Variants in PAX2 observed in about 807,000 individuals in gnomAD.
PAX2 encodes paired box protein Pax-2.
Under a neutral mutation model 41.7 loss-of-function variants are expected in PAX2, and 9 were observed. That is an observed-to-expected ratio of 0.22 (90% CI 0.13 to 0.38). The LOEUF is 0.38. Ranked by LOEUF, PAX2 falls within the 10% of genes least tolerant of loss-of-function variation. The pLI is 1.00. For synonymous variants in PAX2, 221 were observed against 212.7 expected (o/e 1.04, Z -0.34); for missense variants, 418 against 531.6 (o/e 0.79, Z 2.10).
At chr10:100,736,164 T>G (rs1844772601) in intron 1 of PAX2, among the ~76,000 whole-genome samples, 1 of 152,156 alleles carries the variant, frequency 6.6e-6, no homozygotes, top group South Asian at 2.1e-4. Context: ...TACCTGTGTG[T>G]AGGGTCTTAT....
chr10:100,807,007 C>T lies in PAX2; in HGVS notation c.792+402C>T, dbSNP rs1020559636. On this transcript the variant is annotated intron_variant, in intron 6 of 9. Coordinates refer to ENST00000355243, the MANE Select transcript of PAX2 (RefSeq NM_000278.5). ...TCCCTTGCCCACACCCCCTCAGGGTCCTACAGAAAGTCTACGCTAGACTGG... is the reference window on the plus strand; with the variant it reads ...TCCCTTGCCCACACCCCCTCAGGGTTCTACAGAAAGTCTACGCTAGACTGG... Among the ~76,000 whole-genome samples the T allele has an allele frequency of 3.3e-5, 5 of 152,054 alleles. No individual in the cohort carries two copies. In the South Asian group the frequency reaches 8.3e-4, roughly 25 times the overall value.
intron 5 of PAX2, among the ~76,000 whole-genome samples, chr10:100,793,555 C>T (rs75650867): frequency 0.019 from 2,895 of 152,234 alleles, 109 homozygotes; most frequent in African/African-American, 0.067. Flanking sequence ...GGCTCTTTTT[C>T]GGGGGAGCTA....
chr10:100,817,948 A>T (rs1228994905), intron 7 of PAX2, among the ~76,000 whole-genome samples: 3 of 152,234 alleles, frequency 2.0e-5, no homozygotes, highest in African/African-American at 7.2e-5. Flanking sequence ...TTGTTATAGT[A>T]AATACCAATT....
intron 5 of PAX2, among the ~76,000 whole-genome samples, chr10:100,783,326 C>T (rs775512184): frequency 2.0e-5 from 3 of 152,162 alleles, no homozygotes; most frequent in Non-Finnish European, 4.4e-5. Flanking sequence ...CATGTGAGCT[C>T]AAAGAGCAGA....
intron 7 of PAX2, among the ~76,000 whole-genome samples, chr10:100,813,320 C>T (rs1361928109): frequency 6.6e-6 from 1 of 152,208 alleles, no homozygotes. Flanking sequence ...TGTCTGGGAC[C>T]CAGGCAGGCT....
Position 100,827,583 on chromosome 10 carries a change from C to T in PAX2, c.1149C>T (p.Ala383=). Residue 383 remains alanine, a synonymous_variant, in exon 10 of 10, where the codon GCC becomes GCT. Coordinates refer to ENST00000355243, the MANE Select transcript of PAX2 (RefSeq NM_000278.5). The surrounding 1 kb of genome is among the most constrained non-coding windows in gnomAD (Gnocchi z 8.5). ...ATAGTGCCGCCCCCCGGGGCTCCGCCCCTGCCGCTGCTGCCGCTGCCTATG... is the reference window on the plus strand; with the variant it reads ...ATAGTGCCGCCCCCCGGGGCTCCGCTCCTGCCGCTGCTGCCGCTGCCTATG... ...YYYSAAPRGS[A]PAAAAAAYDR... 6.2e-7 allele frequency: 1 copy of T among 1,613,980 alleles called. No homozygotes were observed. Among genetic ancestry groups the T allele is most frequent in the South Asian group, 1.1e-5 (1 of 91,084 alleles).
At chr10:100,742,319 G>C (rs1025839661), upstream of PAX2, among the ~76,000 whole-genome samples, 5 of 149,312 alleles carry the variant, frequency 3.3e-5, no homozygotes, top group East Asian at 4.0e-4. Context: ...GCTTGGCTTG[G>C]CTTGGGGCGC....
intron 3 of PAX2, among the ~76,000 whole-genome samples, chr10:100,765,268 C>A (rs1019270848): frequency 6.6e-6 from 1 of 152,204 alleles, no homozygotes; most frequent in African/African-American, 2.4e-5. Context: ...AAACTCATGA[C>A]AATGTGTTTC....
At chr10:100,752,510 C>T (rs1448457179) in intron 3 of PAX2, among the ~76,000 whole-genome samples, 1 of 152,194 alleles carries the variant, frequency 6.6e-6, no homozygotes, top group Non-Finnish European at 1.5e-5. Context: ...ATTGCTGGTC[C>T]TGGGCATGAG....
At chr10:100,744,325 G>A (rs1247408828), upstream of PAX2, among the ~76,000 whole-genome samples, 1 of 152,250 alleles carries the variant, frequency 6.6e-6, no homozygotes, top group African/African-American at 2.4e-5. Flanking sequence ...GGGAGGGAGC[G>A]AAGGAGGGAG....
intron 7 of PAX2, among the ~76,000 whole-genome samples, chr10:100,812,540 T>C (rs1589889941): frequency 2.0e-5 from 3 of 152,262 alleles, no homozygotes; most frequent in South Asian, 2.1e-4. Flanking sequence ...CATCCACCTC[T>C]CAGTAGTCCC....
chr10:100,799,463 T>C (rs899417606), intron 5 of PAX2, among the ~76,000 whole-genome samples: 1 of 152,224 alleles, frequency 6.6e-6, no homozygotes, highest in African/African-American at 2.4e-5. Flanking sequence ...TAAAGTACCT[T>C]GAGCCTGCCC....
intron 3 of PAX2, among the ~76,000 whole-genome samples, chr10:100,768,790 T>G (rs1213053308): frequency 6.6e-6 from 1 of 152,190 alleles, no homozygotes; most frequent in Admixed American, 6.5e-5. Flanking sequence ...TTGAAAAAAA[T>G]AAACACCAAC....
chr10:100,740,804 G>A (rs964691762), upstream of PAX2, among the ~76,000 whole-genome samples: 8 of 152,180 alleles, frequency 5.3e-5, no homozygotes, highest in Non-Finnish European at 1.2e-4. Context: ...CTAGGGAGGC[G>A]GTACAGGCTG....
intron 5 of PAX2, 31 bp from the exon 6 acceptor site, chr10:100,806,399 C>T (rs1847782253): frequency 6.2e-7 from 1 of 1,613,220 alleles, no homozygotes; most frequent in Non-Finnish European, 8.5e-7. Flanking sequence ...TGGCCTGGCG[C>T]TAACGCCCCG....
intron 5 of PAX2, among the ~76,000 whole-genome samples, chr10:100,805,740 G>T (rs566003871): frequency 6.6e-6 from 1 of 152,152 alleles, no homozygotes; most frequent in Non-Finnish European, 1.5e-5. Context: ...CCGAGAAGGC[G>T]GCCAGGGCAT....
intron 3 of PAX2, among the ~76,000 whole-genome samples, chr10:100,778,052 T>A (rs773424954): frequency 6.6e-6 from 1 of 152,220 alleles, no homozygotes; most frequent in Non-Finnish European, 1.5e-5. Context: ...AGGATCAAGT[T>A]ATTTTTTACT....
rs1305847202 is a variant in PAX2 at position 100,809,139 on chromosome 10, C to T, written c.822C>T (p.Thr274=). Residue 274 remains threonine, a synonymous_variant, in exon 7 of 10, where the codon ACC becomes ACT. Transcript: ENST00000355243. ...QGNEYSLPAL[T]PGLDEVKSSL... ...ACGAGTACTCCCTCCCAGCCCTGACCCCTGGGCTTGATGAAGTCAAGTCGA... is the reference window on the plus strand; with the variant it reads ...ACGAGTACTCCCTCCCAGCCCTGACTCCTGGGCTTGATGAAGTCAAGTCGA... The T allele has an allele frequency of 1.2e-6, 2 of 1,612,102 alleles. No homozygotes were observed. Among genetic ancestry groups the T allele is most frequent in the Non-Finnish European group, 1.7e-6 (2 of 1,178,218 alleles).
intron 5 of PAX2, among the ~76,000 whole-genome samples, chr10:100,793,555 C>G (rs75650867): frequency 0.028 from 4,278 of 152,234 alleles, 102 homozygotes; most frequent in Non-Finnish European, 0.042. Context: ...GGCTCTTTTT[C>G]GGGGGAGCTA....
Sources: gnomAD v4.1 joint callset for allele counts (sites outside exome capture counted in the v4.1 genomes callset) on GRCh38, gnomAD v4.1.1 for gene constraint, Gnocchi (gnomAD v3.1) non-coding constraint, MANE v1.5 for transcripts, NCBI Gene and HGNC (gene_info 2026-07-23, HGNC 2026-07-21) for gene names.